Variants in GRID2 observed in about 807,000 individuals in gnomAD.
The protein encoded by GRID2 is glutamate receptor ionotropic, delta-2.
GRID2 carries 33 observed loss-of-function variants against 114.8 expected under a neutral mutation model. That is an observed-to-expected ratio of 0.29 (90% CI 0.22 to 0.38). The LOEUF (loss-of-function observed/expected upper bound fraction) is 0.38. Ranked by LOEUF, GRID2 falls within the 10% of genes least tolerant of loss-of-function variation. The pLI, the probability that GRID2 is intolerant of heterozygous loss-of-function variation, is 1.00. For missense variants in GRID2, 1,184 were observed against 1,257.7 expected (o/e 0.94, Z 0.89); for synonymous variants, 505 against 449.9 (o/e 1.12, Z -1.55).
chr4:93,575,522 T>C (rs994557827), intron 13 of GRID2, among the ~76,000 whole-genome samples: 13 of 152,290 alleles, frequency 8.5e-5, no homozygotes, highest in African/African-American at 2.9e-4. Context: ...TTAACAGCCA[T>C]TGTGGCCCTG....
At chr4:93,356,943 TGAC>T (rs1448312558) in intron 8 of GRID2, among the ~76,000 whole-genome samples, 1 of 151,830 alleles carries the variant, frequency 6.6e-6, no homozygotes, top group African/African-American at 2.4e-5. Flanking sequence ...TAAGGACAAA[TGAC>T]TATTTGTCTC....
chr4:92,544,300 T>A (rs1353189776), intron 1 of GRID2, among the ~76,000 whole-genome samples: 1 of 152,154 alleles, frequency 6.6e-6, no homozygotes, highest in Non-Finnish European at 1.5e-5. Context: ...CTTTGCATAA[T>A]CATCATTTTA....
At chr4:93,746,609 G>T (rs1731860042) in intron 14 of GRID2, among the ~76,000 whole-genome samples, 1 of 152,024 alleles carries the variant, frequency 6.6e-6, no homozygotes. Context: ...CTACCAAAAT[G>T]CAAGAAAGTA....
chr4:93,259,094 T>C (rs758427254), intron 8 of GRID2, among the ~76,000 whole-genome samples: 27 of 151,856 alleles, frequency 1.8e-4, no homozygotes, highest in South Asian at 4.1e-4. Context: ...TTGCTTTAAG[T>C]TGATCTTGGT....
At chr4:93,174,463 C>T (rs1024816911) in intron 4 of GRID2, among the ~76,000 whole-genome samples, 1 of 151,980 alleles carries the variant, frequency 6.6e-6, no homozygotes, top group African/African-American at 2.4e-5. Flanking sequence ...CCATGTAGTC[C>T]AAAGTAGTCC....
At chr4:92,762,279 A>C (rs1264220040) in intron 2 of GRID2, among the ~76,000 whole-genome samples, 1 of 152,168 alleles carries the variant, frequency 6.6e-6, no homozygotes, top group East Asian at 1.9e-4. Context: ...TTTCTTACTG[A>C]TTAAATATAT....
intron 13 of GRID2, among the ~76,000 whole-genome samples, chr4:93,571,585 C>T (rs367671286): frequency 6.6e-6 from 1 of 152,026 alleles, no homozygotes; most frequent in Admixed American, 6.6e-5. Context: ...AAATTTATGA[C>T]AGTTTCAGGT....
At chr4:92,593,917 T>C (rs1728826942) in intron 2 of GRID2, among the ~76,000 whole-genome samples, 2 of 148,202 alleles carry the variant, frequency 1.3e-5, no homozygotes, top group African/African-American at 5.0e-5. Flanking sequence ...CGTAAAAAGA[T>C]AAATACAAAA....
chr4:92,400,010 T>C (rs1393795559), intron 1 of GRID2, among the ~76,000 whole-genome samples: 1 of 152,150 alleles, frequency 6.6e-6, no homozygotes, highest in Admixed American at 6.6e-5. Flanking sequence ...AAACTGAAAC[T>C]CATAATGAAT....
At chr4:92,379,153 C>T (rs543352372) in intron 1 of GRID2, among the ~76,000 whole-genome samples, 8 of 151,940 alleles carry the variant, frequency 5.3e-5, no homozygotes, top group African/African-American at 1.9e-4. Flanking sequence ...AATATTTAAA[C>T]ATGTACTTGT....
At chr4:93,084,788 C>T (rs373733252) in intron 2 of GRID2, among the ~76,000 whole-genome samples, 29 of 152,318 alleles carry the variant, frequency 1.9e-4, no homozygotes, top group African/African-American at 6.7e-4. Context: ...GTGATTTGCA[C>T]AAGGTCGCAT....
intron 3 of GRID2, among the ~76,000 whole-genome samples, chr4:93,095,956 G>A (rs2149334538): frequency 6.6e-6 from 1 of 152,068 alleles, no homozygotes; most frequent in Middle Eastern, 3.4e-3. Flanking sequence ...AAAGAGCAAA[G>A]AAAAAGATTG....
chr4:92,933,847 G>A (rs1029861922), intron 2 of GRID2, among the ~76,000 whole-genome samples: 4 of 151,354 alleles, frequency 2.6e-5, no homozygotes, highest in Admixed American at 6.6e-5. Context: ...CTATTTTCTC[G>A]GAAATGGAAT....
chr4:92,306,083 C>T (rs1430884196), intron 1 of GRID2, among the ~76,000 whole-genome samples: 1 of 152,194 alleles, frequency 6.6e-6, no homozygotes, highest in Non-Finnish European at 1.5e-5. Flanking sequence ...CTGCAGGTGG[C>T]GATTGTGCCC....
chr4:92,627,637 A>G (rs1402447324), intron 2 of GRID2, among the ~76,000 whole-genome samples: 1 of 152,118 alleles, frequency 6.6e-6, no homozygotes, highest in East Asian at 1.9e-4. Flanking sequence ...ATCCCAGCCC[A>G]CTAATTCTTT....
intron 2 of GRID2, among the ~76,000 whole-genome samples, chr4:93,026,516 T>C (rs930884117): frequency 6.6e-6 from 1 of 151,970 alleles, no homozygotes; most frequent in African/African-American, 2.4e-5. Flanking sequence ...TTATGTATAC[T>C]TTAATGCTTG....
intron 1 of GRID2, among the ~76,000 whole-genome samples, chr4:92,499,198 T>A: frequency 6.6e-6 from 1 of 151,990 alleles, no homozygotes; most frequent in East Asian, 1.9e-4. Context: ...GAGCTTTATA[T>A]TTATCATTTG....
chr4:92,733,723 T>C (rs1002876238), intron 2 of GRID2, among the ~76,000 whole-genome samples: 7 of 152,080 alleles, frequency 4.6e-5, no homozygotes, highest in African/African-American at 1.7e-4. Context: ...AAAATGACAT[T>C]GCTATCACTG....
At chr4:93,226,618 T>C (rs1745519962) in intron 7 of GRID2, among the ~76,000 whole-genome samples, 1 of 152,178 alleles carries the variant, frequency 6.6e-6, no homozygotes, top group African/African-American at 2.4e-5. Context: ...AGTCACATGC[T>C]GTTTTAGTCC....
Sources: allele counts gnomAD v4.1 joint callset (sites outside exome capture counted in the v4.1 genomes callset), GRCh38; gene constraint gnomAD v4.1.1; transcripts MANE v1.5; gene names NCBI Gene and HGNC (gene_info 2026-07-23, HGNC 2026-07-21).